Variants in PCNX2 observed in about 807,000 individuals in gnomAD.
The protein encoded by PCNX2 is pecanex-like protein 2.
A neutral mutation model predicts 223.8 loss-of-function variants in PCNX2; 168 were observed. The observed-to-expected ratio is 0.75, with a 90% confidence interval of 0.66 to 0.85. PCNX2 has a LOEUF of 0.85. Ranked by LOEUF, PCNX2 falls within the 40% of genes least tolerant of loss-of-function variation. PCNX2 has a pLI of 0.00. For synonymous variants in PCNX2, 1,006 were observed against 1,052.6 expected (o/e 0.96, Z 0.86); for missense variants, 2,507 against 2,675.5 (o/e 0.94, Z 1.39).
chr1:233,203,389 G>A (rs891745122), intron 13 of PCNX2, among the ~76,000 whole-genome samples: 6 of 152,048 alleles, frequency 3.9e-5, no homozygotes, highest in East Asian at 1.9e-4. Flanking sequence ...AAATGAGTGC[G>A]GACTAATAAC....
At position 233,262,966 on chromosome 1, in the gene PCNX2, TC is replaced by T; in HGVS notation, c.350del (p.Arg117LysfsTer35). ...TTAATTGAAAATATTACCTTGGATT[TC>T]TGTGATTAGTTATGTGTTCACCTTT... ...EAKGEHITNH[R>X]NPSNNRQIHN... On this transcript the variant is annotated frameshift_variant, in exon 2 of 34. Transcript: ENST00000258229. LOFTEE classifies it high-confidence loss of function. 1 of 1,612,922 alleles carries T rather than the reference TC, an allele frequency of 6.2e-7. No homozygotes were observed. Among genetic ancestry groups the T allele is most frequent in the East Asian group, 2.2e-5 (1 of 44,802 alleles).
chr1:233,135,147 G>A lies in PCNX2; in HGVS notation c.3703C>T (p.Arg1235Trp), dbSNP rs375937740. 1.2e-5 allele frequency: 20 copies of A among 1,613,690 alleles called. No individual in the cohort carries two copies. Among genetic ancestry groups the A allele is most frequent in the Middle Eastern group, 1.6e-4 (1 of 6,084 alleles). ...LMIIAGMKLL[R>W]TSFCNPVYQF... ...TAAACCGGGTTGCAGAATGATGTCC[G>A]CAACAGCTTCATGCCAGCAATGATC... Residue 1235 changes from arginine to tryptophan, a missense_variant, in exon 21 of 34, where the codon CGG (arginine) becomes TGG (tryptophan). Physicochemically the swap from Arg to Trp is moderately radical, Grantham distance 101. Around this residue, in one of 3 missense-constraint regions of PCNX2, gnomAD observed 1,372 missense variants for 1,509.4 expected, o/e 0.91. Transcript: ENST00000258229.
At position 233,291,393 on chromosome 1, in the gene PCNX2, T is replaced by C. The variant is rs536597377; in HGVS notation, c.153+3933A>G. The stretch of plus-strand genomic sequence containing the variant: ...GAGAGGCCAAGGCGGGCGGATCACC[T>C]GATGTCGGGAGTTCAAGACCAGCTT... On this transcript the variant is annotated intron_variant, in intron 1 of 33. Transcript: ENST00000258229. Among the ~76,000 whole-genome samples, 33 of 152,228 alleles carry C rather than the reference T, an allele frequency of 2.2e-4. No homozygotes were observed. In the South Asian group the frequency reaches 6.8e-3, roughly 32 times the overall value.
chr1:233,141,439 G>GGCCTTGGCC (rs1677104202), intron 19 of PCNX2, among the ~76,000 whole-genome samples: 1 of 152,220 alleles, frequency 6.6e-6, no homozygotes, highest in Non-Finnish European at 1.5e-5. Flanking sequence ...GGCCAAGGTG[G>GGCCTTGGCC]ACAGATCACT....
intron 15 of PCNX2, among the ~76,000 whole-genome samples, chr1:233,189,827 C>T (rs1680315586): frequency 6.6e-6 from 1 of 152,142 alleles, no homozygotes. Context: ...ATAGTTTATC[C>T]AGACACAGAA....
At chr1:233,280,632 T>C (rs908074009) in intron 1 of PCNX2, among the ~76,000 whole-genome samples, 6 of 152,140 alleles carry the variant, frequency 3.9e-5, no homozygotes, top group Admixed American at 2.6e-4. Flanking sequence ...CCTAGAGCCA[T>C]GTAAAAATGG....
At chr1:233,069,587 T>C (rs1273364483) in intron 23 of PCNX2, among the ~76,000 whole-genome samples, 1 of 151,884 alleles carries the variant, frequency 6.6e-6, no homozygotes, top group African/African-American at 2.4e-5. Context: ...ATTTGGAAAC[T>C]GAACAGCACA....
intron 27 of PCNX2, chr1:233,016,667 G>T: frequency 1.6e-6 from 1 of 606,620 alleles, no homozygotes; most frequent in Non-Finnish European, 2.1e-6. Flanking sequence ...TTATAATAGA[G>T]GCTTAAAACT....
intron 23 of PCNX2, among the ~76,000 whole-genome samples, chr1:233,076,789 A>G (rs1453726116): frequency 6.6e-6 from 1 of 152,222 alleles, no homozygotes; most frequent in Admixed American, 6.5e-5. Flanking sequence ...CAAGTTTGAC[A>G]TCTCATGTTT....
At chr1:233,106,440 C>T (rs1181344911) in intron 21 of PCNX2, among the ~76,000 whole-genome samples, 1 of 150,244 alleles carries the variant, frequency 6.7e-6, no homozygotes, top group African/African-American at 2.5e-5. Flanking sequence ...GCAACCTCTG[C>T]CTCCCACGTT....
At chr1:233,192,976 G>T (rs1680501035) in intron 15 of PCNX2, among the ~76,000 whole-genome samples, 1 of 146,604 alleles carries the variant, frequency 6.8e-6, no homozygotes. Flanking sequence ...ATTTTAATTT[G>T]CATTTATTAT....
In PCNX2 at chr1:233,132,277, G is replaced by C. The variant is rs1676550696; in HGVS notation, c.3837+2736C>G. Among the ~76,000 whole-genome samples, 5 of 152,032 alleles carry C rather than the reference G, an allele frequency of 3.3e-5. No individual in the cohort carries two copies. In the South Asian group the frequency reaches 1.0e-3, roughly 32 times the overall value. On this transcript the variant is annotated intron_variant, in intron 21 of 33. Transcript: ENST00000258229. ...CGCACCTAGCCTAGATCACGTCCTT[G>C]TCAGGTTCCATCCTCCCCATTCTAC...
At chr1:233,174,974 T>C (rs1467288024) in intron 17 of PCNX2, among the ~76,000 whole-genome samples, 1 of 152,162 alleles carries the variant, frequency 6.6e-6, no homozygotes, top group Non-Finnish European at 1.5e-5. Context: ...GTGAACATTC[T>C]TGTTAAAATG....
intron 9 of PCNX2, among the ~76,000 whole-genome samples, chr1:233,236,166 T>C (rs1198562984): frequency 6.6e-6 from 1 of 151,816 alleles, no homozygotes; most frequent in East Asian, 1.9e-4. Flanking sequence ...AAGTATTTCT[T>C]CTTCTAAGAA....
At position 233,133,906 on chromosome 1, in the gene PCNX2, A is replaced by G. The variant is rs888473283; in HGVS notation, c.3837+1107T>C. Among the ~76,000 whole-genome samples the G allele has an allele frequency of 2.0e-5, 3 of 151,928 alleles. 1 individual carries two copies. Among genetic ancestry groups the G allele is most frequent in the Middle Eastern group, 6.3e-3 (2 of 316 alleles). ...TAAAAAACAAAGAAATTCACGTGCA[A>G]TGGTGGGGTGGTGGGAATTACTTAT... On this transcript the variant is annotated intron_variant, in intron 21 of 33. Coordinates refer to ENST00000258229, the MANE Select transcript of PCNX2 (RefSeq NM_014801.4).
chr1:233,017,330 T>G (rs1181202252), intron 26 of PCNX2, among the ~76,000 whole-genome samples, 176 bp from the exon 27 acceptor site: 3 of 146,400 alleles, frequency 2.0e-5, no homozygotes, highest in African/African-American at 7.7e-5. Context: ...TTTTTTTTTT[T>G]TTTTTGAGAC....
intron 23 of PCNX2, among the ~76,000 whole-genome samples, chr1:233,081,807 C>A (rs895290245): frequency 1.3e-5 from 2 of 152,180 alleles, no homozygotes; most frequent in Admixed American, 6.5e-5. Context: ...GGGCTCTGAG[C>A]TGCAGCTGCT....
rs528301580 is a variant in PCNX2, at chr1:233,191,181, T to G, written c.3066+7758A>C. Reference sequence around the variant, plus strand: ...TTGAGAGTATCTGAACTGATAATTATGGGCGTTCAGCATTTGTCAAATGCA... The same window carrying G: ...TTGAGAGTATCTGAACTGATAATTAGGGGCGTTCAGCATTTGTCAAATGCA... On this transcript the variant is annotated intron_variant, in intron 15 of 33. Transcript: ENST00000258229. Among the ~76,000 whole-genome samples, 5 of 152,348 alleles carry G rather than the reference T, an allele frequency of 3.3e-5. No individual in the cohort carries two copies. The South Asian group carries it at 6.2e-4, about 19-fold the overall frequency.
chr1:233,094,908 T>A (rs1571859021), intron 22 of PCNX2, among the ~76,000 whole-genome samples: 1 of 152,170 alleles, frequency 6.6e-6, no homozygotes, highest in East Asian at 1.9e-4. Context: ...GGTCCAGGAA[T>A]CTACTTAGTT....
Sources: allele counts gnomAD v4.1 joint callset (sites outside exome capture counted in the v4.1 genomes callset), GRCh38; gene constraint gnomAD v4.1.1; regional missense constraint gnomAD v4.1.1; transcripts MANE v1.5; gene names NCBI Gene and HGNC (gene_info 2026-07-23, HGNC 2026-07-21).